Variants in RBM44 observed in about 807,000 individuals in gnomAD.
RBM44 encodes the protein RNA-binding protein 44.
RBM44 carries 66 observed loss-of-function variants against 105.1 expected under a neutral mutation model. The ratio of observed to expected loss-of-function variants is 0.63; its 90% CI spans 0.52 to 0.77. The LOEUF is 0.77. RBM44 is among the 30% of genes least tolerant of loss of function. RBM44 has a pLI of 0.00. For missense variants in RBM44, 1,122 were observed against 1,207.8 expected (o/e 0.93, Z 1.05); for synonymous variants, 365 against 417.6 (o/e 0.87, Z 1.54).
intron 2 of RBM44, among the ~76,000 whole-genome samples, chr2:237,814,553 G>A (rs897672206): frequency 4.6e-5 from 7 of 151,688 alleles, no homozygotes; most frequent in African/African-American, 1.7e-4. Context: ...TGAAGAGAAG[G>A]TAAAATAAAT....
In RBM44 at chr2:237,841,276, A is replaced by G. The variant is rs1324304977; in HGVS notation, c.*23-563A>G. Among the ~76,000 whole-genome samples, 1 of 152,258 alleles carries G rather than the reference A, an allele frequency of 6.6e-6. No homozygotes were observed. Among genetic ancestry groups the G allele is most frequent in the Non-Finnish European group, 1.5e-5 (1 of 68,052 alleles). ...GATGATGTGCTTTGCAGCAGTATGGATGGAGCTAGAGGCCGTTATCCTAAG... is the reference window on the plus strand; with the variant it reads ...GATGATGTGCTTTGCAGCAGTATGGGTGGAGCTAGAGGCCGTTATCCTAAG... On this transcript the variant is annotated intron_variant, in intron 15 of 15. Coordinates refer to ENST00000316997, the MANE Select transcript of RBM44 (RefSeq NM_001080504.3). The surrounding 1 kb of genome is among the most constrained non-coding windows in gnomAD (Gnocchi z 4.5).
chr2:237,821,351 GA>G lies in RBM44; in HGVS notation c.2109del (p.Glu704LysfsTer26), dbSNP rs1559915588. On this transcript the variant is annotated frameshift_variant, in exon 7 of 16. Coordinates refer to ENST00000316997, the MANE Select transcript of RBM44 (RefSeq NM_001080504.3). LOFTEE classifies it high-confidence loss of function. ...TTCCTTTTCTCTCCTTCCAGCTAAT[GA>G]AAAAAGAAACACATGTGTGAGTTAT... ...TFSTFASRLM[K>X]KETHVFSEAD... The G allele has an allele frequency of 6.4e-7, 1 of 1,560,866 alleles. No homozygotes were observed. Among genetic ancestry groups the G allele is most frequent in the Admixed American group, 1.9e-5 (1 of 52,588 alleles).
chr2:237,841,150 C>T lies in RBM44; in HGVS notation c.*23-689C>T, dbSNP rs2062008231. ...TTTATCACAGCACTATTCACAATAGCAGAGACATGAAATCAACCTAAATGC... is the reference window on the plus strand; with the variant it reads ...TTTATCACAGCACTATTCACAATAGTAGAGACATGAAATCAACCTAAATGC... On this transcript the variant is annotated intron_variant, in intron 15 of 15. Transcript: ENST00000316997. This position sits in a 1 kb window ranked among gnomAD's most constrained non-coding sequence, Gnocchi z 4.5. Among the ~76,000 whole-genome samples, 1 of 152,154 alleles carries T rather than the reference C, an allele frequency of 6.6e-6. No homozygotes were observed.
At position 237,842,035 on chromosome 2, in the gene RBM44, G is replaced by C. The variant is rs2062016226; in HGVS notation, c.*219G>C. ...TTAAGATCTTCTCTATATATTTAAAGTTAAAATATAATTTTTAATAAGTTT... is the reference window on the plus strand; with the variant it reads ...TTAAGATCTTCTCTATATATTTAAACTTAAAATATAATTTTTAATAAGTTT... On this transcript the variant is annotated 3_prime_UTR_variant, in exon 16 of 16. Transcript: ENST00000316997. 6.6e-6 allele frequency: 1 copy of C among 151,862 alleles called. No individual in the cohort carries two copies. The highest frequency in any genetic ancestry group is 1.5e-5 in the Non-Finnish European group (1 of 67,898). 9.4% of individuals were successfully genotyped at this position (151,862 alleles called of 1,614,324 possible).
At chr2:237,816,855 T>C (rs1322843421) in intron 2 of RBM44, 138 bp from the exon 3 acceptor site, 20 of 575,582 alleles carry the variant, frequency 3.5e-5, no homozygotes, top group Middle Eastern at 4.7e-4. Flanking sequence ...TAGCTGCTAC[T>C]GAAAGGGATA....
chr2:237,816,953 GTAATGTTGCTGT>G, intron 2 of RBM44, 28 bp from the exon 3 acceptor site: 2 of 1,254,240 alleles, frequency 1.6e-6, no homozygotes, highest in South Asian at 1.7e-5. Context: ...TCTAGATTCT[GTAATGTTGCTGT>G]TAATGTTTTT....
chr2:237,817,721 G>A lies in RBM44; in HGVS notation c.802G>A (p.Val268Ile). Residue 268 changes from valine (V) to isoleucine (I), a missense_variant, in exon 3 of 16, where the codon GTT becomes ATT. Physicochemically the swap from Val to Ile is conservative, Grantham distance 29. This residue lies in a region of RBM44 where 918 missense variants were observed against 955.3 expected (regional missense o/e 0.96). Coordinates refer to ENST00000316997, the MANE Select transcript of RBM44 (RefSeq NM_001080504.3). ...TCATGTCTCCAAATTTCAGAATTCTGTTATGTTAAGAGAATATCATGACCT... is the reference window on the plus strand; with the variant it reads ...TCATGTCTCCAAATTTCAGAATTCTATTATGTTAAGAGAATATCATGACCT... ...SLHVSKFQNS[V>I]MLREYHDLKH... 2 of 1,612,234 alleles carry A rather than the reference G, an allele frequency of 1.2e-6. No individual in the cohort carries two copies. The highest frequency in any genetic ancestry group is 1.7e-6 in the Non-Finnish European group (2 of 1,179,046).
chr2:237,800,799 T>G (rs2061537888), intron 1 of RBM44, among the ~76,000 whole-genome samples: 2 of 150,736 alleles, frequency 1.3e-5, no homozygotes, highest in Admixed American at 6.7e-5. Context: ...TGATCTCGGC[T>G]CACTGCAACC....
At chr2:237,832,177 C>A (rs1172363700) in intron 13 of RBM44, among the ~76,000 whole-genome samples, 3 of 144,330 alleles carry the variant, frequency 2.1e-5, no homozygotes, top group Non-Finnish European at 4.5e-5. Flanking sequence ...TTTTTTGAGA[C>A]AGGATCTCAC....
At chr2:237,829,590 G>A (rs184116180) in intron 13 of RBM44, 88 bp downstream of exon 13, 2 of 1,148,764 alleles carry the variant, frequency 1.7e-6, no homozygotes, top group East Asian at 2.4e-5. Context: ...TCAATATGCA[G>A]TCTTGAAATG....
At chr2:237,809,084 A>G (rs1345617702) in intron 1 of RBM44, among the ~76,000 whole-genome samples, 2 of 152,204 alleles carry the variant, frequency 1.3e-5, no homozygotes, top group African/African-American at 4.8e-5. Context: ...TAATAACACA[A>G]TGTATGATCA....
intron 9 of RBM44, 77 bp from the exon 10 acceptor site, chr2:237,824,214 A>T (rs1576510694): frequency 1.4e-6 from 2 of 1,414,460 alleles, no homozygotes; most frequent in East Asian, 2.3e-5. Flanking sequence ...GTACTGATTC[A>T]TCCATGGTTT....
At chr2:237,813,781 T>C (rs2061684157) in intron 2 of RBM44, 99 bp downstream of exon 2, 1 of 751,346 alleles carries the variant, frequency 1.3e-6, no homozygotes, top group Admixed American at 2.3e-5. Context: ...TTTTAACTCT[T>C]CCTCCCTCTA....
chr2:237,804,215 G>A (rs1028141628), intron 1 of RBM44, among the ~76,000 whole-genome samples: 1 of 152,180 alleles, frequency 6.6e-6, no homozygotes, highest in African/African-American at 2.4e-5. Flanking sequence ...GGGCACCTGG[G>A]TTGATTCTAT....
At chr2:237,820,996 TATAA>T (rs2061781141) in intron 5 of RBM44, 71 bp from the exon 6 acceptor site, 1 of 1,091,294 alleles carries the variant, frequency 9.2e-7, no homozygotes, top group Admixed American at 2.9e-5. Context: ...GAACCAAGTG[TATAA>T]TATAATATTA....
At chr2:237,839,453 T>G (rs2061990349) in intron 15 of RBM44, among the ~76,000 whole-genome samples, 1 of 152,096 alleles carries the variant, frequency 6.6e-6, no homozygotes, top group African/African-American at 2.4e-5. Flanking sequence ...GTGTTTTTAG[T>G]AGAGACGGGG....
intron 15 of RBM44, among the ~76,000 whole-genome samples, chr2:237,835,986 C>T (rs2061955588): frequency 6.6e-6 from 1 of 152,104 alleles, no homozygotes; most frequent in Non-Finnish European, 1.5e-5. Context: ...CCCAGAAGAT[C>T]TAAGTTAGAT....
chr2:237,824,275 G>C lies in RBM44; in HGVS notation c.2321-16G>C. ...CGTTACGTGTCATTCATAGCTCACT[G>C]TGTTGAGTGTCTTAGACTGCAGACA... On this transcript the variant is annotated splice_polypyrimidine_tract_variant and intron_variant, in intron 9 of 15. Coordinates refer to ENST00000316997, the MANE Select transcript of RBM44 (RefSeq NM_001080504.3). 6.2e-7 allele frequency: 1 copy of C among 1,611,858 alleles called. No homozygotes were observed. Among genetic ancestry groups the C allele is most frequent in the Non-Finnish European group, 8.5e-7 (1 of 1,178,624 alleles).
At position 237,820,304 on chromosome 2, in the gene RBM44, T is replaced by C. The variant is rs1373246905; in HGVS notation, c.1866T>C (p.Cys622=). 6.2e-7 allele frequency: 1 copy of C among 1,600,538 alleles called. No homozygotes were observed. Among genetic ancestry groups the C allele is most frequent in the Non-Finnish European group, 8.5e-7 (1 of 1,173,102 alleles). ...NVHYQMCRRH[C]CDIYKLVMEN... The stretch of plus-strand genomic sequence containing the variant: ...ACTATCAGATGTGTCGTCGCCATTG[T>C]TGTGATATTTACAAACTTGTCATGG... Residue 622 remains cysteine, a synonymous_variant, in exon 5 of 16, where the codon TGT becomes TGC. Transcript: ENST00000316997.
Sources: allele counts gnomAD v4.1 joint callset (sites outside exome capture counted in the v4.1 genomes callset), GRCh38; gene constraint gnomAD v4.1.1; regional missense constraint gnomAD v4.1.1; non-coding constraint Gnocchi (gnomAD v3.1); transcripts MANE v1.5; gene names NCBI Gene and HGNC (gene_info 2026-07-23, HGNC 2026-07-21).